The following TMX3 variants were observed in gnomAD, a reference collection of about 807,000 sequenced individuals.
The protein encoded by TMX3 is protein disulfide-isomerase TMX3.
A neutral mutation model predicts 64.4 loss-of-function variants in TMX3; 40 were observed. That is an observed-to-expected ratio of 0.62 (90% CI 0.48 to 0.81). The LOEUF is 0.81. Among genes scored for constraint, TMX3 ranks in the 30% least tolerant of loss-of-function variants. TMX3 has a pLI of 0.00. For synonymous variants in TMX3, 189 were observed against 175.7 expected (o/e 1.08, Z -0.60); for missense variants, 497 against 534.5 (o/e 0.93, Z 0.69).
At chr18:68,709,927 A>G in intron 4 of TMX3, 94 bp downstream of exon 4, 2 of 1,230,356 alleles carry the variant, frequency 1.6e-6, no homozygotes, top group Non-Finnish European at 2.2e-6. Flanking sequence ...ATTTTACATG[A>G]GCAAAAAAAA....
intron 9 of TMX3, chr18:68,688,682 A>G (rs1031801834): frequency 1.3e-5 from 2 of 152,226 alleles, no homozygotes; most frequent in Admixed American, 6.5e-5. Flanking sequence ...ATTGATTTAA[A>G]TTTATAAATT....
At chr18:68,698,079 A>T in intron 6 of TMX3, 48 bp from the exon 7 acceptor site, 1 of 1,220,426 alleles carries the variant, frequency 8.2e-7, no homozygotes, top group Non-Finnish European at 1.2e-6. Flanking sequence ...AAACTAAAGT[A>T]CATAATTTAC....
intron 7 of TMX3, 55 bp from the exon 8 acceptor site, chr18:68,697,358 CA>C: frequency 1.0e-6 from 1 of 992,226 alleles, no homozygotes; most frequent in Admixed American, 2.4e-5. Flanking sequence ...GGCCAAAATT[CA>C]TTCCTCATTA....
In TMX3 at chr18:68,684,232, AT is replaced by A. The variant is rs765596588; in HGVS notation, c.805del (p.Ile269LeufsTer28). 6.2e-7 allele frequency: 1 copy of A among 1,611,910 alleles called. No individual in the cohort carries two copies. The highest frequency in any genetic ancestry group is 8.5e-7 in the Non-Finnish European group (1 of 1,178,510). On this transcript the variant is annotated frameshift_variant, in exon 12 of 16. Transcript: ENST00000299608. LOFTEE classifies it high-confidence loss of function. ...TSVEHTRLKS[I>X]IQEVARDYRD... Reference sequence around the variant, plus strand: ...GTAATCTCTTGCAACTTCCTGAATAATTGACTTCAATCTGTAGAAGAACAAA... The same window carrying A: ...GTAATCTCTTGCAACTTCCTGAATAATGACTTCAATCTGTAGAAGAACAAA...
Position 68,700,502 on chromosome 18 carries a change from AAAT to A in TMX3, c.312-20_312-18del. 1 of 1,501,888 alleles carries A rather than the reference AAAT, an allele frequency of 6.7e-7. No individual in the cohort carries two copies. Among genetic ancestry groups the A allele is most frequent in the Admixed American group, 2.2e-5 (1 of 45,090 alleles). The allele number at this position is 1,501,888 out of a possible 1,614,324, so 93.0% of individuals were successfully genotyped here. On this transcript the variant is annotated intron_variant, in intron 5 of 15. Coordinates refer to ENST00000299608, the MANE Select transcript of TMX3 (RefSeq NM_019022.5). ...CCTTTTAATCTTTAAAAAAAAAAAA[AAAT>A]TAAAACCTGGATTGTTCTAACAGTT...
intron 4 of TMX3, among the ~76,000 whole-genome samples, chr18:68,704,955 G>A (rs1485137508): frequency 1.3e-5 from 2 of 152,154 alleles, no homozygotes; most frequent in Non-Finnish European, 2.9e-5. Context: ...AAGGGCGAAA[G>A]GAGTCAGGAG....
At chr18:68,713,323 G>A (rs539260165) in intron 2 of TMX3, among the ~76,000 whole-genome samples, 1 of 152,280 alleles carries the variant, frequency 6.6e-6, no homozygotes, top group African/African-American at 2.4e-5. Flanking sequence ...GAGCGTGGCT[G>A]GCCTGGGAGG....
intron 13 of TMX3, 124 bp from the exon 14 acceptor site, chr18:68,681,234 G>T: frequency 2.3e-6 from 2 of 874,132 alleles, no homozygotes; most frequent in South Asian, 3.9e-5. Context: ...CATATTTTAT[G>T]GTAGAAAATG....
intron 9 of TMX3, chr18:68,690,123 C>T (rs988912671): frequency 9.2e-5 from 14 of 152,166 alleles, no homozygotes; most frequent in African/African-American, 3.4e-4. Context: ...GTCTTCTACT[C>T]ATTTGAATTA....
intron 13 of TMX3, 78 bp downstream of exon 13, chr18:68,682,847 A>T: frequency 7.9e-7 from 1 of 1,260,648 alleles, no homozygotes; most frequent in Non-Finnish European, 1.1e-6. Context: ...TCAGCTATTT[A>T]ATCCTTCTAC....
At chr18:68,677,318 A>G in intron 15 of TMX3, 125 bp from the exon 16 acceptor site, 1 of 1,017,674 alleles carries the variant, frequency 9.8e-7, no homozygotes, top group Non-Finnish European at 1.4e-6. Flanking sequence ...GTTCCAATGA[A>G]TCAATCATTT....
At chr18:68,714,158 T>C in intron 1 of TMX3, 1 of 237,314 alleles carries the variant, frequency 4.2e-6, no homozygotes, top group Non-Finnish European at 8.1e-6. Context: ...TCCTTTTTCC[T>C]CCATATTTTC....
intron 6 of TMX3, among the ~76,000 whole-genome samples, chr18:68,698,745 G>A (rs906283201): frequency 1.3e-5 from 2 of 151,980 alleles, no homozygotes; most frequent in African/African-American, 2.4e-5. Flanking sequence ...GGCCGGGGGC[G>A]GTGGCTCATG....
chr18:68,684,814 T>C (rs181417344), intron 10 of TMX3, among the ~76,000 whole-genome samples: 180 of 152,246 alleles, frequency 1.2e-3, no homozygotes, highest in Non-Finnish European at 2.1e-3. Flanking sequence ...CCCTACAAAT[T>C]GGCTAAGATA....
intron 2 of TMX3, among the ~76,000 whole-genome samples, chr18:68,713,188 G>A (rs1304288575): frequency 6.6e-6 from 1 of 152,080 alleles, no homozygotes; most frequent in African/African-American, 2.4e-5. Flanking sequence ...GAGTAGAAAA[G>A]TGCCTCCGCT....
intron 9 of TMX3, chr18:68,689,583 T>C (rs1217454356): frequency 6.6e-6 from 1 of 152,164 alleles, no homozygotes; most frequent in Admixed American, 6.5e-5. Flanking sequence ...GGGAATGTTG[T>C]AATGATCAAA....
intron 4 of TMX3, among the ~76,000 whole-genome samples, chr18:68,703,178 G>A (rs866590528): frequency 2.0e-5 from 3 of 152,042 alleles, no homozygotes; most frequent in African/African-American, 4.8e-5. Flanking sequence ...TGTGAATAAC[G>A]AATATTTTTA....
chr18:68,679,501 A>T lies in TMX3; in HGVS notation c.1066T>A (p.Leu356Met). The T allele has an allele frequency of 6.2e-7, 1 of 1,612,408 alleles. No individual in the cohort carries two copies. Among genetic ancestry groups the T allele is most frequent in the Non-Finnish European group, 8.5e-7 (1 of 1,179,352 alleles). The change falls in exon 15 of 16, where the codon TTG (leucine) becomes ATG (methionine). Residue 356 changes from leucine (L) to methionine (M), a missense_variant. By Grantham distance (15) the Leu-to-Met change is conservative. Transcript: ENST00000299608. The part of the protein sequence containing the change: ...AQGGDSILQR[L>M]KRIVFDAKST... Reference sequence around the variant, plus strand: ...TTGGCATCAAATACTATTCTTTTCAATCTCTGCAAAATGCTATCACCTCCT... The same window carrying T: ...TTGGCATCAAATACTATTCTTTTCATTCTCTGCAAAATGCTATCACCTCCT...
rs561981614 is a variant in TMX3 at position 68,674,655 on chromosome 18, G to C, written c.*2278C>G. The C allele has an allele frequency of 2.8e-4, 43 of 152,038 alleles. No individual in the cohort carries two copies. Among genetic ancestry groups the C allele is most frequent in the African/African-American group, 1.0e-3 (43 of 41,506 alleles). 9.4% of individuals were successfully genotyped at this position (152,038 alleles called of 1,614,324 possible). On this transcript the variant is annotated 3_prime_UTR_variant, in exon 16 of 16. Coordinates refer to ENST00000299608, the MANE Select transcript of TMX3 (RefSeq NM_019022.5). ...AGTAATCTCTGATATCACATTGAAGGGAACAGCATACGAGCAAACAAATTT... is the reference window on the plus strand; with the variant it reads ...AGTAATCTCTGATATCACATTGAAGCGAACAGCATACGAGCAAACAAATTT...
Sources: gnomAD v4.1 joint callset for allele counts (sites outside exome capture counted in the v4.1 genomes callset) on GRCh38, gnomAD v4.1.1 for gene constraint, MANE v1.5 for transcripts, NCBI Gene and HGNC (gene_info 2026-07-23, HGNC 2026-07-21) for gene names.